The following GLRA2 variants were observed in gnomAD, a reference collection of about 807,000 sequenced individuals.
GLRA2 encodes glycine receptor alpha 2, also known as glycine receptor subunit alpha-2.
In GLRA2, 11 loss-of-function variants were observed where a neutral mutation model predicts 31.6. The observed-to-expected ratio is 0.35, with a 90% CI of 0.22 to 0.58. The LOEUF (loss-of-function observed/expected upper bound fraction) is 0.58. Among genes scored for constraint, GLRA2 ranks in the 20% least tolerant of loss-of-function variants. The pLI is 0.84. For synonymous variants in GLRA2, 132 were observed against 134.0 expected (o/e 0.99, Z 0.10); for missense variants, 212 against 351.8 (o/e 0.60, Z 3.18).
chrX:14,715,410 T>C (rs949415700), intron 8 of GLRA2, among the ~76,000 whole-genome samples: 4 of 112,312 alleles, frequency 3.6e-5, no homozygotes, highest in African/African-American at 1.3e-4. Flanking sequence ...TTTATACATA[T>C]ATGCATTCAA....
chrX:14,611,850 G>A (rs186484339), intron 7 of GLRA2, among the ~76,000 whole-genome samples: 2 of 112,100 alleles, frequency 1.8e-5, no homozygotes, highest in East Asian at 5.7e-4. Context: ...GTGAGGCCAT[G>A]TTGAAGATAT....
intron 7 of GLRA2, among the ~76,000 whole-genome samples, chrX:14,640,033 G>T (rs1389453831): frequency 8.0e-5 from 9 of 111,989 alleles, no homozygotes; most frequent in African/African-American, 2.6e-4. Flanking sequence ...CCATTGCATG[G>T]TTTCTCCTTC....
the GLRA2 span, among the ~76,000 whole-genome samples, chrX:14,513,083 A>C: frequency 8.9e-6 from 1 of 111,957 alleles, no homozygotes; most frequent in East Asian, 2.8e-4. Context: ...AGACCAATGC[A>C]ACAGAATAGA....
the GLRA2 span, among the ~76,000 whole-genome samples, chrX:14,453,706 T>C: frequency 1.8e-5 from 2 of 111,972 alleles, no homozygotes; most frequent in Admixed American, 9.5e-5. Flanking sequence ...CCAAGGGAAA[T>C]GAAAATGTAG....
chrX:14,647,243 G>T (rs747898050), intron 7 of GLRA2, among the ~76,000 whole-genome samples: 1 of 112,486 alleles, frequency 8.9e-6, no homozygotes, highest in African/African-American at 3.2e-5. Context: ...TTTGTCTTCA[G>T]CTGTGGGGCT....
At chrX:14,716,865 G>A (rs940327136) in intron 8 of GLRA2, among the ~76,000 whole-genome samples, 3 of 111,318 alleles carry the variant, frequency 2.7e-5, no homozygotes, top group Non-Finnish European at 5.7e-5. Context: ...CAGAATAGGA[G>A]AATCATGGAT....
the GLRA2 span, among the ~76,000 whole-genome samples, chrX:14,495,193 C>T: frequency 1.8e-5 from 2 of 111,219 alleles, no homozygotes; most frequent in Non-Finnish European, 3.8e-5. Flanking sequence ...TGAGAGTTTT[C>T]AATGTAATGT....
At chrX:14,553,747 T>G (rs190508292) in intron 2 of GLRA2, among the ~76,000 whole-genome samples, 1 of 111,820 alleles carries the variant, frequency 8.9e-6, no homozygotes, top group Admixed American at 9.5e-5. Context: ...AGTACTCTCA[T>G]CCAATGACTG....
intron 1 of GLRA2, chrX:14,531,003 G>A: frequency 4.4e-6 from 4 of 913,472 alleles, no homozygotes; most frequent in Non-Finnish European, 5.6e-6. Context: ...TAGTAATAAT[G>A]CTATGAATAC....
intron 2 of GLRA2, among the ~76,000 whole-genome samples, chrX:14,559,775 G>T (rs956974504): frequency 7.3e-5 from 8 of 110,127 alleles, no homozygotes; most frequent in Non-Finnish European, 1.5e-4. Flanking sequence ...GCCCAGGCTG[G>T]ATTGCAATGG....
chrX:14,616,255 C>G (rs1050015629), intron 7 of GLRA2, among the ~76,000 whole-genome samples: 2 of 111,786 alleles, frequency 1.8e-5, no homozygotes, highest in Non-Finnish European at 3.8e-5. Flanking sequence ...CTAAGTGTGT[C>G]TTGAGTCCTC....
At chrX:14,682,737 T>A (rs1249867765) in intron 7 of GLRA2, among the ~76,000 whole-genome samples, 1 of 94,168 alleles carries the variant, frequency 1.1e-5, no homozygotes, top group Non-Finnish European at 2.1e-5. Context: ...TGTGTGATGT[T>A]CCCCTTCCTG....
At chrX:14,481,699 A>G in the GLRA2 span, among the ~76,000 whole-genome samples, 1 of 111,384 alleles carries the variant, frequency 9.0e-6, no homozygotes, top group Non-Finnish European at 1.9e-5. Flanking sequence ...TCACTATGTG[A>G]TTGTAAATGA....
intron 8 of GLRA2, among the ~76,000 whole-genome samples, chrX:14,692,620 G>T (rs1384198474): frequency 1.8e-5 from 2 of 111,718 alleles, no homozygotes. Context: ...AAAGTTGGGT[G>T]GAATACAAGA....
At chrX:14,662,881 TTATTA>T (rs200177621) in intron 7 of GLRA2, among the ~76,000 whole-genome samples, 2,803 of 112,162 alleles carry the variant, frequency 0.025, 78 homozygotes, top group African/African-American at 0.086. Flanking sequence ...CATAAATATT[TTATTA>T]TTTTTCTGTT....
intron 2 of GLRA2, among the ~76,000 whole-genome samples, chrX:14,572,122 A>C (rs1042348101): frequency 9.8e-5 from 11 of 111,853 alleles, no homozygotes; most frequent in African/African-American, 3.6e-4. Flanking sequence ...GTAACTTAAA[A>C]ATTATTTTGA....
chrX:14,528,691 A>T (rs1218541469), upstream of GLRA2, among the ~76,000 whole-genome samples: 1 of 112,161 alleles, frequency 8.9e-6, no homozygotes, highest in African/African-American at 3.2e-5. Context: ...TTATTACATG[A>T]CTGTTCCTAG....
the GLRA2 span, among the ~76,000 whole-genome samples, chrX:14,466,532 G>A: frequency 9.0e-6 from 1 of 111,438 alleles, no homozygotes; most frequent in Non-Finnish European, 1.9e-5. Flanking sequence ...TTCATGCATT[G>A]TCTCCATTGG....
At chrX:14,558,005 T>C (rs1392246540) in intron 2 of GLRA2, among the ~76,000 whole-genome samples, 1 of 111,709 alleles carries the variant, frequency 9.0e-6, no homozygotes, top group African/African-American at 3.3e-5. Context: ...AGAAGTCCTG[T>C]AAAGCTAAGA....
Sources: gnomAD v4.1 joint callset for allele counts (sites outside exome capture counted in the v4.1 genomes callset) on GRCh38, gnomAD v4.1.1 for gene constraint, MANE v1.5 for transcripts, NCBI Gene and HGNC (gene_info 2026-07-23, HGNC 2026-07-21) for gene names.